The following DIAPH2 variants were observed in gnomAD, a reference collection of about 807,000 sequenced individuals.
DIAPH2 encodes the protein protein diaphanous homolog 2.
In DIAPH2, 35 loss-of-function variants were observed where a neutral mutation model predicts 92.7. That is an observed-to-expected ratio of 0.38 (90% CI 0.29 to 0.50). The LOEUF is 0.50. Among genes scored for constraint, DIAPH2 ranks in the 20% least tolerant of loss-of-function variants. DIAPH2 has a pLI of 0.94. For synonymous variants in DIAPH2, 301 were observed against 280.4 expected (o/e 1.07, Z -0.73); for missense variants, 701 against 819.5 (o/e 0.86, Z 1.77).
At chrX:97,568,140 G>C (rs866984284) in intron 26 of DIAPH2, among the ~76,000 whole-genome samples, 1 of 50,937 alleles carries the variant, frequency 2.0e-5, no homozygotes, top group African/African-American at 6.6e-5. Context: ...AAAAAAAAAA[G>C]AGTGGTTGGA....
chrX:97,338,362 A>G (rs2069083973), intron 23 of DIAPH2, among the ~76,000 whole-genome samples: 1 of 112,182 alleles, frequency 8.9e-6, no homozygotes, highest in African/African-American at 3.2e-5. Flanking sequence ...TTTTAATATT[A>G]TTTTTAAAGT....
chrX:97,584,180 G>A (rs775085620), intron 26 of DIAPH2, among the ~76,000 whole-genome samples: 6 of 112,113 alleles, frequency 5.4e-5, no homozygotes, highest in South Asian at 3.7e-4. Flanking sequence ...GTTCATATTC[G>A]GCCATCTTCG....
intron 26 of DIAPH2, among the ~76,000 whole-genome samples, chrX:97,522,838 CTGTT>C (rs2071000385): frequency 8.9e-6 from 1 of 112,590 alleles, no homozygotes; most frequent in Admixed American, 9.4e-5. Flanking sequence ...AAATAAGATA[CTGTT>C]TGTTCACAGA....
At chrX:97,559,362 C>T (rs189929129) in intron 26 of DIAPH2, among the ~76,000 whole-genome samples, 47 of 109,927 alleles carry the variant, frequency 4.3e-4, no homozygotes, top group Admixed American at 1.2e-3. Flanking sequence ...TGGTGGTGCG[C>T]GCCTGTAGAC....
At chrX:97,217,989 A>T (rs1316683726) in intron 22 of DIAPH2, among the ~76,000 whole-genome samples, 1 of 112,053 alleles carries the variant, frequency 8.9e-6, no homozygotes, top group African/African-American at 3.2e-5. Flanking sequence ...TTATTTTTTG[A>T]AAAAGAAATT....
intron 3 of DIAPH2, among the ~76,000 whole-genome samples, chrX:96,746,075 A>AT (rs2064148131): frequency 1.8e-5 from 2 of 110,146 alleles, no homozygotes; most frequent in African/African-American, 3.3e-5. Flanking sequence ...TTTTTTGTTT[A>AT]TTTTTTGTGG....
At chrX:96,869,554 T>C (rs868198676) in intron 4 of DIAPH2, among the ~76,000 whole-genome samples, 1 of 82,283 alleles carries the variant, frequency 1.2e-5, no homozygotes, top group Non-Finnish European at 2.2e-5. Flanking sequence ...CTGCTACTAC[T>C]ACCACTACTA....
intron 4 of DIAPH2, among the ~76,000 whole-genome samples, chrX:96,825,354 CTTTTTT>C (rs57788752): frequency 4.8e-5 from 4 of 82,570 alleles, no homozygotes; most frequent in African/African-American, 1.2e-4. Flanking sequence ...CATGTGTTTT[CTTTTTT>C]TTTTTTTTTT....
chrX:97,275,504 G>A lies in DIAPH2; in HGVS notation c.2844+27665G>A, dbSNP rs934745555. Among the ~76,000 whole-genome samples, 353 of 102,614 alleles carry A rather than the reference G, an allele frequency of 3.4e-3. 1 individual carries two copies. The highest frequency in any genetic ancestry group is 0.012 in the African/African-American group (327 of 28,325). The allele number at this position is 102,614 out of a possible 115,157, so 89.1% of individuals were successfully genotyped here. A position where few individuals can be genotyped will look rare whatever the true frequency, so the allele number is the denominator to read the frequency against. ...GATGGGGCGGCTGCCGGGCGGAGGG[G>A]CTCCTCACTTCTCAGACGGGGCGGC... On this transcript the variant is annotated intron_variant, in intron 23 of 26. Coordinates refer to ENST00000324765, the MANE Select transcript of DIAPH2 (RefSeq NM_006729.5).
chrX:97,231,094 A>G (rs1174937557), intron 22 of DIAPH2, among the ~76,000 whole-genome samples: 1 of 112,423 alleles, frequency 8.9e-6, no homozygotes, highest in Non-Finnish European at 1.9e-5. Context: ...CATCAAAGCA[A>G]ATCCTAAAGG....
chrX:97,545,533 A>AAAAATATAT (rs1260118151), intron 26 of DIAPH2, among the ~76,000 whole-genome samples: 6 of 79,336 alleles, frequency 7.6e-5, no homozygotes, highest in African/African-American at 3.0e-4. Flanking sequence ...AAAAAAAAAA[A>AAAAATATAT]ATATATATAT....
chrX:97,545,120 A>G (rs1405984499), intron 26 of DIAPH2, among the ~76,000 whole-genome samples: 6 of 110,755 alleles, frequency 5.4e-5, no homozygotes, highest in South Asian at 3.9e-4. Flanking sequence ...TTCTCTGACT[A>G]TATCTTACCT....
At chrX:97,469,574 C>T in intron 26 of DIAPH2, 1 of 608,358 alleles carries the variant, frequency 1.6e-6, no homozygotes, top group Non-Finnish European at 2.5e-6. Context: ...TAGCACAATC[C>T]TAAATCAGTA....
At chrX:97,005,760 C>T (rs1472547248) in intron 17 of DIAPH2, among the ~76,000 whole-genome samples, 7 of 110,850 alleles carry the variant, frequency 6.3e-5, no homozygotes, top group Non-Finnish European at 1.3e-4. Flanking sequence ...AGGATGGTCT[C>T]GATCTCCTGA....
At chrX:96,752,723 A>G (rs2064201450) in intron 3 of DIAPH2, among the ~76,000 whole-genome samples, 1 of 112,009 alleles carries the variant, frequency 8.9e-6, no homozygotes. Flanking sequence ...CATCATGAGC[A>G]AAATAATGAG....
rs138492215 is a variant in DIAPH2, at chrX:96,896,029, G to A, written c.587+14311G>A. On this transcript the variant is annotated intron_variant, in intron 5 of 26. Transcript: ENST00000324765. ...AATAGTTACTACATTTTTTGAAGTG[G>A]GTATTTACAGGTATATATCATTGAC... 3.4e-3 allele frequency among the ~76,000 whole-genome samples: 379 copies of A among 111,401 alleles called. 1 individual carries two copies. The highest frequency in any genetic ancestry group is 0.023 in the Middle Eastern group (5 of 214).
chrX:97,102,665 C>A (rs749413620), intron 20 of DIAPH2, among the ~76,000 whole-genome samples: 1 of 112,015 alleles, frequency 8.9e-6, no homozygotes, highest in Non-Finnish European at 1.9e-5. Flanking sequence ...GGATGCCGGG[C>A]GCGTTGGCTC....
intron 26 of DIAPH2, among the ~76,000 whole-genome samples, chrX:97,568,891 A>C (rs1016876151): frequency 8.0e-5 from 9 of 112,109 alleles, no homozygotes; most frequent in African/African-American, 2.9e-4. Flanking sequence ...TAGCAAAGAG[A>C]TCCCTAAAAG....
At chrX:97,258,713 C>CA (rs1320310852) in intron 23 of DIAPH2, among the ~76,000 whole-genome samples, 2 of 102,347 alleles carry the variant, frequency 2.0e-5, no homozygotes, top group African/African-American at 3.6e-5. Flanking sequence ...ACTAAAAATA[C>CA]AAAAAAAATT....
Sources: allele counts gnomAD v4.1 joint callset (sites outside exome capture counted in the v4.1 genomes callset), GRCh38; gene constraint gnomAD v4.1.1; transcripts MANE v1.5; gene names NCBI Gene and HGNC (gene_info 2026-07-23, HGNC 2026-07-21).